The following CDKAL1 variants were observed in gnomAD, a reference collection of about 807,000 sequenced individuals.
CDKAL1 encodes the protein CDKAL1 threonylcarbamoyladenosine tRNA methylthiotransferase.
In CDKAL1, 32 loss-of-function variants were observed where a neutral mutation model predicts 68.2. The ratio of observed to expected loss-of-function variants is 0.47; its 90% CI spans 0.35 to 0.63. CDKAL1 has a LOEUF of 0.63. CDKAL1 is among the 30% of genes least tolerant of loss of function. The pLI is 0.00. For missense variants in CDKAL1, 606 were observed against 696.7 expected (o/e 0.87, Z 1.47); for synonymous variants, 234 against 244.3 (o/e 0.96, Z 0.39).
At chr6:21,008,155 G>C (rs1767831052) in intron 11 of CDKAL1, among the ~76,000 whole-genome samples, 1 of 152,182 alleles carries the variant, frequency 6.6e-6, no homozygotes, top group African/African-American at 2.4e-5. Context: ...TGCAGTGACT[G>C]CCTGGAAAAT....
chr6:20,950,739 G>A (rs571674982), intron 9 of CDKAL1, among the ~76,000 whole-genome samples: 2 of 152,194 alleles, frequency 1.3e-5, no homozygotes, highest in South Asian at 4.1e-4. Context: ...GCTGAGGTGG[G>A]CGGATCACCT....
chr6:20,932,814 A>G (rs779537249), intron 9 of CDKAL1, among the ~76,000 whole-genome samples: 12 of 152,210 alleles, frequency 7.9e-5, no homozygotes, highest in African/African-American at 2.7e-4. Context: ...TGATGAAATC[A>G]TATAAGCCTC....
At chr6:20,658,035 A>G (rs959230658) in intron 5 of CDKAL1, among the ~76,000 whole-genome samples, 3 of 152,222 alleles carry the variant, frequency 2.0e-5, no homozygotes, top group Non-Finnish European at 2.9e-5. Flanking sequence ...AAAAAAGATC[A>G]AAAGTTTCAA....
intron 12 of CDKAL1, among the ~76,000 whole-genome samples, chr6:21,067,272 CT>C (rs1180189442): frequency 6.6e-6 from 1 of 152,112 alleles, no homozygotes; most frequent in Non-Finnish European, 1.5e-5. Flanking sequence ...CATTATTATT[CT>C]GGATATAAAT....
intron 6 of CDKAL1, among the ~76,000 whole-genome samples, chr6:20,748,722 A>G (rs1773782004): frequency 6.7e-6 from 1 of 150,160 alleles, no homozygotes; most frequent in Non-Finnish European, 1.5e-5. Context: ...AGTTTTTTCA[A>G]CAAGCCCACC....
intron 12 of CDKAL1, among the ~76,000 whole-genome samples, chr6:21,093,694 C>CTTTTTTTTTTTTTT (rs547923386): frequency 1.1e-5 from 1 of 88,084 alleles, no homozygotes; most frequent in Non-Finnish European, 2.2e-5. Context: ...GCTGCTGCTG[C>CTTTTTTTTTTTTTT]TTTTTTTTTT....
In CDKAL1 at chr6:20,604,490, A is replaced by T. The variant is rs79055098; in HGVS notation, c.287-44803A>T. On this transcript the variant is annotated intron_variant, in intron 4 of 15. Coordinates refer to ENST00000274695, the MANE Select transcript of CDKAL1 (RefSeq NM_017774.3). Reference sequence around the variant, plus strand: ...TTCTGCATATGGATTTGCTTTCTCTACCTATAATGCTTCTGCCAGCACCAC... The same window carrying T: ...TTCTGCATATGGATTTGCTTTCTCTTCCTATAATGCTTCTGCCAGCACCAC... Among the ~76,000 whole-genome samples, 18 of 152,276 alleles carry T rather than the reference A, an allele frequency of 1.2e-4. No homozygotes were observed. In the East Asian group the frequency reaches 2.3e-3, roughly 20 times the overall value.
intron 9 of CDKAL1, among the ~76,000 whole-genome samples, chr6:20,946,784 C>T (rs1017765993): frequency 5.9e-5 from 9 of 151,706 alleles, no homozygotes; most frequent in Admixed American, 6.6e-5. Context: ...TTAGTAGAGA[C>T]GGGGGTTTCT....
intron 9 of CDKAL1, among the ~76,000 whole-genome samples, chr6:20,927,584 C>T (rs528404454): frequency 2.6e-5 from 4 of 152,174 alleles, no homozygotes; most frequent in South Asian, 4.2e-4. Flanking sequence ...CTTTGACCTG[C>T]GGTGGACAGG....
intron 10 of CDKAL1, among the ~76,000 whole-genome samples, chr6:20,980,254 T>C (rs1224686296): frequency 6.7e-6 from 1 of 148,408 alleles, no homozygotes; most frequent in Admixed American, 6.8e-5. Context: ...TAGATTTTTT[T>C]TGAGACGCAG....
intron 11 of CDKAL1, among the ~76,000 whole-genome samples, chr6:21,064,672 A>G (rs1405640536): frequency 6.6e-6 from 1 of 152,180 alleles, no homozygotes; most frequent in East Asian, 1.9e-4. Flanking sequence ...GGAGTTGTTC[A>G]TTGATTTCTT....
intron 9 of CDKAL1, among the ~76,000 whole-genome samples, chr6:20,907,200 T>TACC (rs1762267823): frequency 6.6e-6 from 1 of 152,168 alleles, no homozygotes; most frequent in African/African-American, 2.4e-5. Context: ...GTCTTAACTG[T>TACC]ATACTTAAAA....
chr6:20,857,074 G>A (rs1433374148), intron 9 of CDKAL1, among the ~76,000 whole-genome samples: 1 of 152,128 alleles, frequency 6.6e-6, no homozygotes, highest in Non-Finnish European at 1.5e-5. Flanking sequence ...ATGTTTGTTA[G>A]TGGGACCTTG....
intron 9 of CDKAL1, among the ~76,000 whole-genome samples, chr6:20,926,737 A>G (rs1160325871): frequency 6.6e-6 from 1 of 152,088 alleles, no homozygotes; most frequent in Non-Finnish European, 1.5e-5. Flanking sequence ...CTGTTTGAAT[A>G]TAAGAAACTA....
intron 8 of CDKAL1, among the ~76,000 whole-genome samples, chr6:20,789,349 G>A (rs1469608162): frequency 6.6e-5 from 10 of 152,148 alleles, no homozygotes; most frequent in African/African-American, 2.4e-5. Flanking sequence ...ACAGTGGATG[G>A]CACTATAGGC....
chr6:20,983,980 C>T (rs915301909), intron 10 of CDKAL1, among the ~76,000 whole-genome samples: 6 of 152,246 alleles, frequency 3.9e-5, no homozygotes, highest in Non-Finnish European at 5.9e-5. Context: ...TGAGCAATGT[C>T]GAGGGCACTG....
At chr6:20,992,208 A>ATATG (rs1554155272) in intron 10 of CDKAL1, among the ~76,000 whole-genome samples, 2 of 144,628 alleles carry the variant, frequency 1.4e-5, no homozygotes, top group African/African-American at 5.6e-5. Flanking sequence ...ATATATATAT[A>ATATG]TATGTATTTT....
intron 9 of CDKAL1, among the ~76,000 whole-genome samples, chr6:20,916,575 G>A (rs1762733145): frequency 6.6e-6 from 1 of 152,200 alleles, no homozygotes; most frequent in Non-Finnish European, 1.5e-5. Flanking sequence ...TGGGCAGGAA[G>A]ATTGGATGCA....
chr6:20,943,206 C>T (rs1359338467), intron 9 of CDKAL1, among the ~76,000 whole-genome samples: 12 of 150,978 alleles, frequency 7.9e-5, no homozygotes, highest in African/African-American at 2.4e-4. Flanking sequence ...GTCTCCATTA[C>T]ACTCTGGCTT....
Sources: gnomAD v4.1 joint callset for allele counts (sites outside exome capture counted in the v4.1 genomes callset) on GRCh38, gnomAD v4.1.1 for gene constraint, MANE v1.5 for transcripts, NCBI Gene and HGNC (gene_info 2026-07-23, HGNC 2026-07-21) for gene names.